The following FBXO15 variants were observed in gnomAD, a reference collection of about 807,000 sequenced individuals.
The protein encoded by FBXO15 is F-box only protein 15.
Under a neutral mutation model 49.5 loss-of-function variants are expected in FBXO15, and 30 were observed. That is an observed-to-expected ratio of 0.61 (90% CI 0.45 to 0.82). The LOEUF is 0.82. Ranked by LOEUF, FBXO15 falls within the 40% of genes least tolerant of loss-of-function variation. The pLI is 0.00. For synonymous variants in FBXO15, 250 were observed against 232.7 expected (o/e 1.07, Z -0.68); for missense variants, 591 against 631.5 (o/e 0.94, Z 0.69).
chr18:74,135,884 G>GAAAAAAA lies in FBXO15; in HGVS notation c.228-25_228-19dup. 6.6e-7 allele frequency: 1 copy of GAAAAAAA among 1,512,564 alleles called. No homozygotes were observed. The highest frequency in any genetic ancestry group is 8.9e-7 in the Non-Finnish European group (1 of 1,117,552). The allele number at this position is 1,512,564 out of a possible 1,614,324, so 93.7% of individuals were successfully genotyped here. A position where few individuals can be genotyped will look rare whatever the true frequency, so the allele number is the denominator to read the frequency against. ...AAGGCATTCTGCAAAAACAGAAAAA[G>GAAAAAAA]AAAAAAAAAATCACCAGAGTGGACC... is the stretch of plus-strand genomic sequence containing the variant. On this transcript the variant is annotated intron_variant, in intron 2 of 9. Transcript: ENST00000419743.
chr18:74,126,048 G>A lies in FBXO15; in HGVS notation c.839C>T (p.Ser280Phe). The A allele has an allele frequency of 1.2e-6, 2 of 1,614,110 alleles. No homozygotes were observed. The highest frequency in any genetic ancestry group is 1.7e-6 in the Non-Finnish European group (2 of 1,179,972). ...GAGTCTGTCACAGCCAATCATGGTAGATATGGTCAAATGACTCAGATTGTA... is the reference window on the plus strand; with the variant it reads ...GAGTCTGTCACAGCCAATCATGGTAAATATGGTCAAATGACTCAGATTGTA... ...AKYNLSHLTI[S>F]TMIGCDRLIR... is the part of the protein sequence containing the mutation. The change falls in exon 6 of 10, where the codon TCT (serine) becomes TTT (phenylalanine). Residue 280 changes from serine (S) to phenylalanine (F), a missense_variant. By Grantham distance (155) the Ser-to-Phe change is radical. Transcript: ENST00000419743.
At chr18:74,082,199 C>T in intron 8 of FBXO15, 148 bp from the exon 9 acceptor site, 1 of 638,256 alleles carries the variant, frequency 1.6e-6, no homozygotes, top group Non-Finnish European at 2.5e-6. Context: ...CAATCCCAGC[C>T]TCTGGCTTGA....
chr18:74,142,299 T>C (rs1235091955), intron 1 of FBXO15, among the ~76,000 whole-genome samples: 2 of 152,354 alleles, frequency 1.3e-5, no homozygotes, highest in Non-Finnish European at 2.9e-5. Context: ...TGTACTTCTG[T>C]TAGAAATTTT....
In FBXO15 at chr18:74,117,437, G is replaced by A. The variant is rs939917346; in HGVS notation, c.1138+5931C>T. Among the ~76,000 whole-genome samples the A allele has an allele frequency of 8.5e-5, 13 of 152,270 alleles. No homozygotes were observed. The East Asian group carries it at 2.3e-3, about 27-fold the overall frequency. ...ACAGCCTACCCTGACCACACTTACA[G>A]TGCCAAAACTTTGGAAATACACTGA... On this transcript the variant is annotated intron_variant, in intron 8 of 9. Coordinates refer to ENST00000419743, the MANE Select transcript of FBXO15 (RefSeq NM_001142958.2).
Position 74,095,399 on chromosome 18 carries a change from C to G in FBXO15, c.1139-13348G>C, listed in dbSNP as rs114218699. On this transcript the variant is annotated intron_variant, in intron 8 of 9. Transcript: ENST00000419743. ...AAAGTGAGAGACATGCAACTCTTCA[C>G]TTGAATGCTTAGAGGCCACTGTAGG... Among the ~76,000 whole-genome samples the G allele has an allele frequency of 2.8e-3, 429 of 152,310 alleles. 4 individuals are homozygous for G. Among genetic ancestry groups the G allele is most frequent in the African/African-American group, 0.01 (419 of 41,572 alleles).
chr18:74,073,435 TAAC>T lies in FBXO15; in HGVS notation c.*23_*25del, dbSNP rs1366311770. On this transcript the variant is annotated 3_prime_UTR_variant, in exon 10 of 10. Transcript: ENST00000419743. ...AGCCAGTCAAAAATAAACAACTAAATAACAACAATAATTTGCCACCTACTGCTA... is the reference window on the plus strand; with the variant it reads ...AGCCAGTCAAAAATAAACAACTAAATAACAATAATTTGCCACCTACTGCTA... 5.6e-6 allele frequency: 9 copies of T among 1,597,600 alleles called. No homozygotes were observed. The highest frequency in any genetic ancestry group is 4.0e-5 in the African/African-American group (3 of 74,258).
chr18:74,136,200 G>C (rs1014462187), intron 2 of FBXO15, among the ~76,000 whole-genome samples: 1 of 152,128 alleles, frequency 6.6e-6, no homozygotes, highest in African/African-American at 2.4e-5. Flanking sequence ...TATTTTTGTA[G>C]AGATAGGGTC....
intron 5 of FBXO15, among the ~76,000 whole-genome samples, chr18:74,128,391 A>T (rs377280465): frequency 6.6e-6 from 1 of 151,998 alleles, no homozygotes; most frequent in Admixed American, 6.6e-5. Flanking sequence ...CTGTCCCTCC[A>T]TAGAGATGGC....
intron 1 of FBXO15, among the ~76,000 whole-genome samples, chr18:74,141,916 C>T (rs1479977654): frequency 1.3e-5 from 2 of 152,064 alleles, no homozygotes; most frequent in Non-Finnish European, 2.9e-5. Flanking sequence ...ATTCCTCTTC[C>T]CTTTGTGAAT....
At chr18:74,127,689 C>T (rs1323914797) in intron 5 of FBXO15, among the ~76,000 whole-genome samples, 2 of 152,196 alleles carry the variant, frequency 1.3e-5, no homozygotes, top group Non-Finnish European at 2.9e-5. Flanking sequence ...TGATCAAAGG[C>T]TGGCTGGAGT....
At chr18:74,139,407 C>A (rs1397711230) in intron 2 of FBXO15, among the ~76,000 whole-genome samples, 1 of 152,198 alleles carries the variant, frequency 6.6e-6, no homozygotes, top group East Asian at 1.9e-4. Flanking sequence ...GCCTGTAAAA[C>A]AGCCTATTCC....
chr18:74,130,064 C>T (rs1978319716), intron 4 of FBXO15, among the ~76,000 whole-genome samples: 1 of 152,194 alleles, frequency 6.6e-6, no homozygotes, highest in South Asian at 2.1e-4. Flanking sequence ...ATAACCTATG[C>T]ACCTCCTCCC....
intron 5 of FBXO15, among the ~76,000 whole-genome samples, chr18:74,128,317 C>A (rs1418755654): frequency 6.6e-6 from 1 of 150,526 alleles, no homozygotes; most frequent in Non-Finnish European, 1.5e-5. Context: ...AAAACAAGGT[C>A]CCCAGTTACA....
intron 8 of FBXO15, among the ~76,000 whole-genome samples, chr18:74,110,201 A>ATATATG (rs1913960208): frequency 6.8e-6 from 1 of 147,214 alleles, no homozygotes; most frequent in African/African-American, 2.5e-5. Flanking sequence ...GTGCATATAT[A>ATATATG]TATATATATA....
chr18:74,135,520 A>G (rs1283578289), intron 3 of FBXO15, among the ~76,000 whole-genome samples: 1 of 152,238 alleles, frequency 6.6e-6, no homozygotes, highest in Admixed American at 6.5e-5. Flanking sequence ...CTGAAGCTGC[A>G]TTCTGTAACA....
rs780668191 is a variant in FBXO15, at chr18:74,073,476, A to C, written c.1518T>G (p.Phe506Leu). ...YLSIAKINHW[F>L]GTEY ...CCACCTACTGCTAATATTCAGTCCC[A>C]AACCAATGGTTGATTTTTGCGATAC... Residue 506 changes from phenylalanine to leucine, a missense_variant, in exon 10 of 10, where the codon TTT (phenylalanine) becomes TTG (leucine). Physicochemically the swap from Phe to Leu is conservative, Grantham distance 22. Transcript: ENST00000419743. 6.2e-7 allele frequency: 1 copy of C among 1,614,066 alleles called. No individual in the cohort carries two copies. The highest frequency in any genetic ancestry group is 1.1e-5 in the South Asian group (1 of 91,034).
chr18:74,098,292 A>T (rs2145139660), intron 8 of FBXO15: 1 of 152,336 alleles, frequency 6.6e-6, no homozygotes, highest in Non-Finnish European at 1.5e-5. Context: ...CTGAAAAAGA[A>T]TCCAGAAGGT....
At chr18:74,087,621 G>A (rs908242626) in intron 8 of FBXO15, among the ~76,000 whole-genome samples, 5 of 152,178 alleles carry the variant, frequency 3.3e-5, no homozygotes, top group Admixed American at 6.5e-5. Context: ...CCACTGATGG[G>A]CATTTAAGTT....
At chr18:74,144,868 A>G (rs538502172) in intron 1 of FBXO15, among the ~76,000 whole-genome samples, 1 of 152,316 alleles carries the variant, frequency 6.6e-6, no homozygotes, top group Non-Finnish European at 1.5e-5. Flanking sequence ...GTTCTTACTG[A>G]AAACCTTAAC....
Sources: gnomAD v4.1 joint callset for allele counts (sites outside exome capture counted in the v4.1 genomes callset) on GRCh38, gnomAD v4.1.1 for gene constraint, MANE v1.5 for transcripts, NCBI Gene and HGNC (gene_info 2026-07-23, HGNC 2026-07-21) for gene names.